ITGA7: variants seen among roughly 807,000 people sequenced by gnomAD.
The protein encoded by ITGA7 is integrin subunit alpha 7.
A neutral mutation model predicts 131.6 loss-of-function variants in ITGA7; 84 were observed. The ratio of observed to expected loss-of-function variants is 0.64; its 90% CI spans 0.54 to 0.77. ITGA7 has a LOEUF of 0.77. Ranked by LOEUF, ITGA7 falls within the 30% of genes least tolerant of loss-of-function variation. ITGA7 has a pLI of 0.00. For synonymous variants in ITGA7, 548 were observed against 600.7 expected (o/e 0.91, Z 1.28); for missense variants, 1,399 against 1,482.9 (o/e 0.94, Z 0.93).
At chr12:55,712,152 T>C, upstream of ITGA7, 17 of 1,551,452 alleles carry the variant, frequency 1.1e-5, no homozygotes, top group Non-Finnish European at 1.5e-5. Flanking sequence ...GAAAAGAACA[T>C]AAATGTGATT....
At chr12:55,715,809 C>T (rs925495212), upstream of ITGA7, 8 of 447,440 alleles carry the variant, frequency 1.8e-5, no homozygotes, top group Non-Finnish European at 2.7e-5. Context: ...CTCAATTAAA[C>T]GGTGATAGAC....
chr12:55,702,282 C>T (rs1874219356), intron 3 of ITGA7, among the ~76,000 whole-genome samples: 1 of 152,062 alleles, frequency 6.6e-6, no homozygotes. Context: ...CCGGTTCACG[C>T]CATTCTCCTG....
rs757680080 is a variant in ITGA7 at position 55,701,124 on chromosome 12, G to A, written c.445C>T (p.Arg149Ter). The change falls in exon 4 of 25, where the codon CGA becomes TGA. Residue 149 changes from arginine (R) to a stop codon, truncating the protein, a stop_gained. Coordinates refer to ENST00000257879, the MANE Select transcript of ITGA7 (RefSeq NM_002206.3). LOFTEE classifies it high-confidence loss of function. ...CGCGTCTCCAGGATCTGGTCCACTC[G>A]CTGCCTTGCCTCATATCGGTGTGCA... ...TCAHRYEARQ[R>*]VDQILETRDM... 1.4e-5 allele frequency: 23 copies of A among 1,614,204 alleles called. No individual in the cohort carries two copies. The highest frequency in any genetic ancestry group is 2.2e-5 in the East Asian group (1 of 44,882).
chr12:55,694,749 C>T lies in ITGA7; in HGVS notation c.2196+29G>A. The T allele has an allele frequency of 6.2e-7, 1 of 1,613,960 alleles. No individual in the cohort carries two copies. Among genetic ancestry groups the T allele is most frequent in the Non-Finnish European group, 8.5e-7 (1 of 1,179,902 alleles). On this transcript the variant is annotated intron_variant, in intron 15 of 24. Transcript: ENST00000257879. This position sits in a 1 kb window ranked among gnomAD's most constrained non-coding sequence, Gnocchi z 5.3. ...CTGGGTTACTGGAGCCCCTCAAGACCCCACCCCATCCTGCCCCCAGGTCCT... is the reference window on the plus strand; with the variant it reads ...CTGGGTTACTGGAGCCCCTCAAGACTCCACCCCATCCTGCCCCCAGGTCCT...
chr12:55,693,655 G>A (rs558249729), intron 19 of ITGA7, among the ~76,000 whole-genome samples: 82 of 152,224 alleles, frequency 5.4e-4, no homozygotes, highest in Non-Finnish European at 9.3e-4. Context: ...GGGAAACCCT[G>A]GAAGTGTCCC....
rs374384926 is a variant in ITGA7 at position 55,697,012 on chromosome 12, G to A, written c.1624C>T (p.Arg542Cys). The A allele has an allele frequency of 1.2e-4, 186 of 1,613,986 alleles. No individual in the cohort carries two copies. The highest frequency in any genetic ancestry group is 1.4e-4 in the Non-Finnish European group (169 of 1,180,036). The change falls in exon 12 of 25, where the codon CGT (arginine) becomes TGT (cysteine). Residue 542 changes from arginine to cysteine, a missense_variant. Coordinates refer to ENST00000257879, the MANE Select transcript of ITGA7 (RefSeq NM_002206.3). ...AGGTTACGGCTCAGGAACGTCACAC[G>A]GGGAACCTGGCCCCGGAGCCTCCGG... ...TDRRLRGQVP[R>C]VTFLSRNLEE...
intron 4 of ITGA7, chr12:55,700,671 C>G: frequency 1.5e-6 from 1 of 663,276 alleles, no homozygotes; most frequent in Non-Finnish European, 2.6e-6. Flanking sequence ...GCCCAGCGTG[C>G]ACTTGGGGCC....
At chr12:55,713,058 C>T (rs1876250211), upstream of ITGA7, among the ~76,000 whole-genome samples, 1 of 151,876 alleles carries the variant, frequency 6.6e-6, no homozygotes, top group Non-Finnish European at 1.5e-5. Flanking sequence ...AGCCCTCACC[C>T]TCTGTTTCAC....
Position 55,698,932 on chromosome 12 carries a change from AC to A in ITGA7, c.791-16del. The A allele has an allele frequency of 6.3e-7, 1 of 1,593,750 alleles. No homozygotes were observed. The highest frequency in any genetic ancestry group is 8.6e-7 in the Non-Finnish European group (1 of 1,169,114). On this transcript the variant is annotated splice_polypyrimidine_tract_variant and intron_variant, in intron 5 of 24. Transcript: ENST00000257879. ...AATAGAGAAGCCTGGGGGAAGGGTG[AC>A]TTACCCCTAAGTCTTCACCCCAAGA...
chr12:55,695,088 TC>T, intron 14 of ITGA7, 118 bp from the exon 15 acceptor site: 1 of 1,001,596 alleles, frequency 1.0e-6, no homozygotes, highest in Non-Finnish European at 1.5e-6. Flanking sequence ...CCACCCCAGG[TC>T]CCCATCACAC....
At chr12:55,714,442 C>T (rs1267751633), upstream of ITGA7, among the ~76,000 whole-genome samples, 2 of 150,562 alleles carry the variant, frequency 1.3e-5, no homozygotes, top group East Asian at 1.9e-4. Context: ...GGCGTGAACC[C>T]GGGAGGCGGA....
intron 14 of ITGA7, 59 bp downstream of exon 14, chr12:55,695,463 T>C: frequency 8.6e-7 from 1 of 1,158,030 alleles, no homozygotes; most frequent in Non-Finnish European, 1.3e-6. Flanking sequence ...TGAGAGGGCT[T>C]TCTCTCAATC....
At chr12:55,707,074 A>G (rs958080178) in intron 1 of ITGA7, among the ~76,000 whole-genome samples, 1 of 152,108 alleles carries the variant, frequency 6.6e-6, no homozygotes, top group Non-Finnish European at 1.5e-5. Flanking sequence ...GGCACCCTCA[A>G]CTTCTATGTC....
At chr12:55,687,483 C>A (rs189629168) in intron 24 of ITGA7, among the ~76,000 whole-genome samples, 1 of 139,914 alleles carries the variant, frequency 7.1e-6, no homozygotes, top group African/African-American at 2.7e-5. Context: ...GCCACCATGC[C>A]CGGCTTTTTT....
chr12:55,699,819 A>AG lies in ITGA7; in HGVS notation c.790+50dup, dbSNP rs769469687. ...CAAAGGTCGAGTTCCCTGGGGAAGG[A>AG]GGGGAGGCTGGGCCATGCCCCTAGA... On this transcript the variant is annotated intron_variant, in intron 5 of 24. Transcript: ENST00000257879. 3 of 1,570,884 alleles carry AG rather than the reference A, an allele frequency of 1.9e-6. No individual in the cohort carries two copies. In the South Asian group the frequency reaches 3.5e-5, roughly 18 times the overall value.
In ITGA7 at chr12:55,699,954, G is replaced by C; in HGVS notation, c.706C>G (p.Pro236Ala). 6.2e-7 allele frequency: 1 copy of C among 1,614,122 alleles called. No homozygotes were observed. The change falls in exon 5 of 25, where the codon CCC becomes GCC. Residue 236 changes from proline to alanine, a missense_variant. Coordinates refer to ENST00000257879, the MANE Select transcript of ITGA7 (RefSeq NM_002206.3). ...LFVTNIDSSD[P>A]DQLVYKTLDP... ...AAAGTTTTATACACCAGCTGGTCGGGGTCTGAGCTATCAATGTTGGTCACA... is the reference window on the plus strand; with the variant it reads ...AAAGTTTTATACACCAGCTGGTCGGCGTCTGAGCTATCAATGTTGGTCACA...
chr12:55,696,853 T>G (rs778534635), intron 12 of ITGA7, 46 bp downstream of exon 12: 2 of 1,605,732 alleles, frequency 1.2e-6, no homozygotes, highest in Non-Finnish European at 1.7e-6. Flanking sequence ...GGAAAAGAGA[T>G]GGAGCCATGA....
Position 55,698,466 on chromosome 12 carries a change from G to A in ITGA7, c.1109C>T (p.Pro370Leu). Residue 370 changes from proline (P) to leucine (L), a missense_variant, in exon 7 of 25, where the codon CCT becomes CTT. Transcript: ENST00000257879. ...GTCAGGGGAGCCGCAGAGCCGGAGA[G>A]GGGAGATCCCAGCCCAGTGACCCCC... is the stretch of plus-strand genomic sequence containing the variant. ...NQGGHWAGIS[P>L]LRLCGSPDSM... 1.2e-6 allele frequency: 2 copies of A among 1,613,874 alleles called. No individual in the cohort carries two copies. The highest frequency in any genetic ancestry group is 2.2e-5 in the East Asian group (1 of 44,856).
In ITGA7 at chr12:55,696,374, G is replaced by A. The variant is rs763103443; in HGVS notation, c.1796C>T (p.Thr599Ile). 1 of 1,597,134 alleles carries A rather than the reference G, an allele frequency of 6.3e-7. No individual in the cohort carries two copies. Among genetic ancestry groups the A allele is most frequent in the Admixed American group, 1.7e-5 (1 of 58,086 alleles). ...AGGAGCCTGTCGCCGGAGCCGAGGG[G>A]TCTGGAGACTGTAGGACAAGGTCAC... ...IVVTLSYSLQ[T>I]PRLRRQAPGQ... The change falls in exon 13 of 25, where the codon ACC (threonine) becomes ATC (isoleucine). Residue 599 changes from threonine (T) to isoleucine (I), a missense_variant. By Grantham distance (89) the Thr-to-Ile change is moderately conservative. Coordinates refer to ENST00000257879, the MANE Select transcript of ITGA7 (RefSeq NM_002206.3).
Sources: gnomAD v4.1 joint callset for allele counts (sites outside exome capture counted in the v4.1 genomes callset) on GRCh38, gnomAD v4.1.1 for gene constraint, Gnocchi (gnomAD v3.1) non-coding constraint, MANE v1.5 for transcripts, NCBI Gene and HGNC (gene_info 2026-07-23, HGNC 2026-07-21) for gene names.